The following STK25 variants were observed in gnomAD, a reference collection of about 807,000 sequenced individuals.
The protein encoded by STK25 is serine/threonine kinase 25.
In STK25, 29 loss-of-function variants were observed where a neutral mutation model predicts 53.8. That is an observed-to-expected ratio of 0.54 (90% confidence interval 0.40 to 0.74). The LOEUF (loss-of-function observed/expected upper bound fraction) is 0.74. Ranked by LOEUF, STK25 falls within the 30% of genes least tolerant of loss-of-function variation. STK25 has a pLI of 0.00. For missense variants in STK25, 420 were observed against 568.0 expected (o/e 0.74, Z 2.65); for synonymous variants, 247 against 238.3 (o/e 1.04, Z -0.33).
intron 2 of STK25, among the ~76,000 whole-genome samples, chr2:241,502,350 C>T (rs897018544): frequency 6.6e-6 from 1 of 152,110 alleles, no homozygotes; most frequent in African/African-American, 2.4e-5. Context: ...CATGCCAGCC[C>T]CGTGACAGAT....
chr2:241,493,058 C>T lies in STK25; in HGVS notation c.*2604G>A, dbSNP rs781636293. 74 of 1,356,462 alleles carry T rather than the reference C, an allele frequency of 5.5e-5. No homozygotes were observed. Among genetic ancestry groups the T allele is most frequent in the Admixed American group, 8.4e-5 (5 of 59,612 alleles). The allele number at this position is 1,356,462 out of a possible 1,614,324, so 84.0% of individuals were successfully genotyped here. A position where few individuals can be genotyped will look rare whatever the true frequency, so the allele number is the denominator to read the frequency against. On this transcript the variant is annotated 3_prime_UTR_variant, in exon 12 of 12. Transcript: ENST00000316586. The stretch of plus-strand genomic sequence containing the variant: ...TCAGGTACTGGAGTTTCACTGGAGC[C>T]CAATGCAGGTGATGCTAGCAGACAG...
At position 241,498,965 on chromosome 2, in the gene STK25, G is replaced by A. The variant is rs779916317; in HGVS notation, c.771+24C>T. ...CTCCCTCCACGTCCTGTCTAGAAGG[G>A]ACCGGGCCAGAGGCGGGCCTTACGA... On this transcript the variant is annotated intron_variant, in intron 7 of 11. Coordinates refer to ENST00000316586, the MANE Select transcript of STK25 (RefSeq NM_001271977.2). 6 of 1,613,110 alleles carry A rather than the reference G, an allele frequency of 3.7e-6. No individual in the cohort carries two copies. The East Asian group carries it at 1.1e-4, about 30-fold the overall frequency.
At chr2:241,499,656 G>A (rs2279846) in intron 5 of STK25, 212,785 of 590,146 alleles carry the variant, frequency 0.36, 39,759 homozygotes, top group Admixed American at 0.54. Context: ...TGGCTTTTAC[G>A]ACAAATCCCA....
At position 241,498,308 on chromosome 2, in the gene STK25, G is replaced by A. The variant is rs778467600; in HGVS notation, c.959C>T (p.Thr320Met). ...AEDGEQGPIW[T>M]FPPTIRPSPH... ...ACTCGGCCGGATGGTAGGGGGGAAC[G>A]TCCAGATGGGGCCCTGCTCCCCGTC... Residue 320 changes from threonine (T) to methionine (M), a missense_variant, in exon 9 of 12, where the codon ACG becomes ATG. Coordinates refer to ENST00000316586, the MANE Select transcript of STK25 (RefSeq NM_001271977.2). 12 of 1,604,788 alleles carry A rather than the reference G, an allele frequency of 7.5e-6. No individual in the cohort carries two copies. Among genetic ancestry groups the A allele is most frequent in the Admixed American group, 1.7e-5 (1 of 59,628 alleles).
rs767645058 is a variant in STK25, at chr2:241,499,113, G to A, written c.647C>T (p.Ser216Phe). The A allele has an allele frequency of 6.2e-7, 1 of 1,613,942 alleles. No individual in the cohort carries two copies. Among genetic ancestry groups the A allele is most frequent in the South Asian group, 1.1e-5 (1 of 91,094 alleles). The change falls in exon 7 of 12, where the codon TCT becomes TTT. Residue 216 changes from serine (S) to phenylalanine (F), a missense_variant. By Grantham distance (155) the Ser-to-Phe change is radical. Transcript: ENST00000316586. ...CAGGACGCGCATGGGGTGGAGGTCA[G>A]AGTTTGGAGGCTCCCCCTTGGCCAG... ...IELAKGEPPN[S>F]DLHPMRVLFL...
At position 241,499,021 on chromosome 2, in the gene STK25, C is replaced by A. The variant is rs767740659; in HGVS notation, c.739G>T (p.Val247Leu). 11 of 1,613,992 alleles carry A rather than the reference C, an allele frequency of 6.8e-6. No individual in the cohort carries two copies. The highest frequency in any genetic ancestry group is 8.5e-6 in the Non-Finnish European group (10 of 1,180,004). Residue 247 changes from valine to leucine, a missense_variant, in exon 7 of 12, where the codon GTG (valine) becomes TTG (leucine). By Grantham distance (32) the Val-to-Leu change is conservative (BLOSUM62 1). Transcript: ENST00000316586. ...GQHSKPFKEF[V>L]EACLNKDPRF... is the part of the protein sequence containing the mutation. Reference sequence around the variant, plus strand: ...GGGTCTTTGTTGAGGCAGGCCTCCACGAACTCCTTGAAGGGCTTGCTGTGC... The same window carrying A: ...GGGTCTTTGTTGAGGCAGGCCTCCAAGAACTCCTTGAAGGGCTTGCTGTGC...
At position 241,508,008 on chromosome 2, in the gene STK25, G is replaced by A; in HGVS notation, c.28C>T (p.Gln10Ter). The part of the protein sequence containing the change: MAHLRGFAN[Q>*]HSRVDPEELF... ...TTCCTGACCTGCACCCTTCTCACCT[G>A]GTTGGCAAATCCCCGGAGGTGAGCC... Residue 10 changes from glutamine (Q) to a stop codon, truncating the protein, a stop_gained and splice_region_variant, in exon 2 of 12, where the codon CAG becomes TAG. Transcript: ENST00000316586. LOFTEE classifies it high-confidence loss of function. 6.2e-7 allele frequency: 1 copy of A among 1,603,146 alleles called. No individual in the cohort carries two copies. The highest frequency in any genetic ancestry group is 8.5e-7 in the Non-Finnish European group (1 of 1,176,006).
chr2:241,495,571 G>A lies in STK25; in HGVS notation c.*91C>T. On this transcript the variant is annotated 3_prime_UTR_variant, in exon 12 of 12. Transcript: ENST00000316586. ...GACGTGTCCCTGCAGGCACGACATA[G>A]CACAGGGCACCTTCCAAGTCAGCAC... 6.8e-7 allele frequency: 1 copy of A among 1,463,204 alleles called. No homozygotes were observed. Among genetic ancestry groups the A allele is most frequent in the Non-Finnish European group, 9.6e-7 (1 of 1,043,806 alleles). 90.6% of individuals were successfully genotyped at this position (1,463,204 alleles called of 1,614,324 possible).
chr2:241,505,256 G>A (rs79386899), intron 2 of STK25, among the ~76,000 whole-genome samples: 9,519 of 151,996 alleles, frequency 0.063, 329 homozygotes, highest in Middle Eastern at 0.13. Flanking sequence ...GCCCATCAAC[G>A]CTTACTCGGG....
At position 241,495,660 on chromosome 2, in the gene STK25, C is replaced by T; in HGVS notation, c.*2G>A. 1 of 1,614,200 alleles carries T rather than the reference C, an allele frequency of 6.2e-7. No homozygotes were observed. The highest frequency in any genetic ancestry group is 8.5e-7 in the Non-Finnish European group (1 of 1,180,002). On this transcript the variant is annotated 3_prime_UTR_variant, in exon 12 of 12. Transcript: ENST00000316586. Reference sequence around the variant, plus strand: ...CGTCCCCTATCTGAACAGCAGTGCGCTTCAGCGGGTGGATGTCAGGTGGTT... The same window carrying T: ...CGTCCCCTATCTGAACAGCAGTGCGTTTCAGCGGGTGGATGTCAGGTGGTT...
In STK25 at chr2:241,492,960, T is replaced by C; in HGVS notation, c.*2702A>G. On this transcript the variant is annotated 3_prime_UTR_variant, in exon 12 of 12. Transcript: ENST00000316586. ...CTTTCAGGATATCTGCTAAGAAAGT[T>C]CAAAAACAGTCATGGCTGGCAGAAG... The C allele has an allele frequency of 6.2e-7, 1 of 1,612,622 alleles. No individual in the cohort carries two copies. The highest frequency in any genetic ancestry group is 8.5e-7 in the Non-Finnish European group (1 of 1,178,624).
intron 2 of STK25, among the ~76,000 whole-genome samples, chr2:241,505,723 G>C (rs2065782744): frequency 1.3e-5 from 2 of 152,340 alleles, no homozygotes; most frequent in South Asian, 4.1e-4. Flanking sequence ...AGCCCAAGCA[G>C]AAACTGTGTG....
intron 5 of STK25, 72 bp from the exon 6 acceptor site, chr2:241,499,486 C>T: frequency 6.5e-7 from 1 of 1,544,850 alleles, no homozygotes; most frequent in East Asian, 2.4e-5. Flanking sequence ...CTGAGAAGGG[C>T]CAGGGTACCA....
At chr2:241,504,644 CTTTT>C (rs1408975373) in intron 2 of STK25, among the ~76,000 whole-genome samples, 1 of 152,152 alleles carries the variant, frequency 6.6e-6, no homozygotes, top group South Asian at 2.1e-4. Context: ...AACATGCAAT[CTTTT>C]TTTGAGATGG....
At position 241,501,559 on chromosome 2, in the gene STK25, G is replaced by A. The variant is rs760686339; in HGVS notation, c.180C>T (p.Ile60=). Residue 60 remains isoleucine (I), a synonymous_variant, in exon 3 of 12, where the codon ATC becomes ATT. Coordinates refer to ENST00000316586, the MANE Select transcript of STK25 (RefSeq NM_001271977.2). This position sits in a 1 kb window ranked among gnomAD's most constrained non-coding sequence, Gnocchi z 5.3. ...CAGTGATCTCCTGCTGGATGTCCTC[G>A]ATCTCATCCTCGGCCTCCTCCAGGT... ...IIDLEEAEDE[I]EDIQQEITVL... 14 of 1,614,088 alleles carry A rather than the reference G, an allele frequency of 8.7e-6. No individual in the cohort carries two copies. In the Admixed American group the frequency reaches 1.2e-4, roughly 13 times the overall value.
In STK25 at chr2:241,501,473, G is replaced by A; in HGVS notation, c.261+5C>T. 1 of 1,613,556 alleles carries A rather than the reference G, an allele frequency of 6.2e-7. No homozygotes were observed. Among genetic ancestry groups the A allele is most frequent in the Non-Finnish European group, 8.5e-7 (1 of 1,179,804 alleles). ...GCAGGGTCCCCGCCTCCCCACAACA[G>A]GCACCTTTAGGTAGGAGCCAAAGTA... On this transcript the variant is annotated splice_donor_5th_base_variant and intron_variant, in intron 3 of 11. Coordinates refer to ENST00000316586, the MANE Select transcript of STK25 (RefSeq NM_001271977.2). This position sits in a 1 kb window ranked among gnomAD's most constrained non-coding sequence, Gnocchi z 5.3.
At chr2:241,507,618 G>C (rs1175237604) in intron 2 of STK25, among the ~76,000 whole-genome samples, 2 of 152,170 alleles carry the variant, frequency 1.3e-5, no homozygotes, top group Non-Finnish European at 1.5e-5. Context: ...AGAATGACCC[G>C]CGGCCCAGGC....
intron 2 of STK25, among the ~76,000 whole-genome samples, chr2:241,507,711 C>A (rs1471126485): frequency 6.6e-6 from 1 of 152,248 alleles, no homozygotes; most frequent in African/African-American, 2.4e-5. Context: ...GGCAGCGCCC[C>A]GTCCCTGCGC....
rs1275624787 is a variant in STK25 at position 241,494,306 on chromosome 2, A to T, written c.*1356T>A. The T allele has an allele frequency of 2.4e-6, 1 of 409,018 alleles. No individual in the cohort carries two copies. The highest frequency in any genetic ancestry group is 3.7e-5 in the East Asian group (1 of 27,192). 25.3% of individuals were successfully genotyped at this position (409,018 alleles called of 1,614,324 possible). A position where few individuals can be genotyped will look rare whatever the true frequency, so the allele number is the denominator to read the frequency against. On this transcript the variant is annotated 3_prime_UTR_variant, in exon 12 of 12. Transcript: ENST00000316586. This position sits in a 1 kb window ranked among gnomAD's most constrained non-coding sequence, Gnocchi z 4.9. ...GAGGGGCTTCATCCCCCCACCCAGG[A>T]CCTAGTGCATGCCAGCAGCTATCTG...
Sources: allele counts gnomAD v4.1 joint callset (sites outside exome capture counted in the v4.1 genomes callset), GRCh38; gene constraint gnomAD v4.1.1; non-coding constraint Gnocchi (gnomAD v3.1); transcripts MANE v1.5; gene names NCBI Gene and HGNC (gene_info 2026-07-23, HGNC 2026-07-21).